The following INSYN2A variants were observed in gnomAD, a reference collection of about 807,000 sequenced individuals.
The protein encoded by INSYN2A is family with sequence similarity 196 member A.
A neutral mutation model predicts 39.4 loss-of-function variants in INSYN2A; 17 were observed. The observed-to-expected ratio is 0.43, with a 90% CI of 0.30 to 0.65. INSYN2A has a LOEUF of 0.65. Among genes scored for constraint, INSYN2A ranks in the 30% least tolerant of loss-of-function variants. The pLI is 0.14. For synonymous variants in INSYN2A, 255 were observed against 265.7 expected, an observed-to-expected ratio of 0.96 and a Z score of 0.39; for missense variants, 595 against 631.2, an observed-to-expected ratio of 0.94 and a Z score of 0.61.
rs529298057 is a variant in INSYN2A, at chr10:127,176,338, G to C, written c.58C>G (p.Pro20Ala). ...ILTTSESEVEPAACLALEMKY... is the reference protein window; with the variant it reads ...ILTTSESEVEAAACLALEMKY... ...ATCTCCAGGGCCAGGCAGGCGGCGG[G>C]TTCCACTTCACTCTCCGACGTTGTG... is the stretch of plus-strand genomic sequence containing the variant. The change falls in exon 4 of 6, where the codon CCC (proline) becomes GCC (alanine). Residue 20 changes from proline (P) to alanine (A), a missense_variant. By Grantham distance (27) the Pro-to-Ala change is conservative. This residue lies in a region of INSYN2A where 478 missense variants were observed against 467.4 expected (regional missense o/e 1.02). Transcript: ENST00000522781. This position sits in a 1 kb window ranked among gnomAD's most constrained non-coding sequence, Gnocchi z 4.4. The C allele has an allele frequency of 8.1e-6, 13 of 1,613,848 alleles. No individual in the cohort carries two copies. The South Asian group carries it at 9.9e-5, about 12-fold the overall frequency.
At chr10:127,168,011 A>T (rs983366448) in intron 4 of INSYN2A, among the ~76,000 whole-genome samples, 1 of 152,098 alleles carries the variant, frequency 6.6e-6, no homozygotes, top group Non-Finnish European at 1.5e-5. Context: ...TTTGTCCATA[A>T]TTCATTTCAT....
chr10:127,166,222 C>T (rs933987422), intron 4 of INSYN2A, among the ~76,000 whole-genome samples: 2 of 152,098 alleles, frequency 1.3e-5, no homozygotes. Context: ...CCTGCCACCA[C>T]GCCCAGCTAA....
In INSYN2A at chr10:127,148,945, C is replaced by T. The variant is rs548969804; in HGVS notation, c.1256+4907G>A. Among the ~76,000 whole-genome samples, 9 of 152,242 alleles carry T rather than the reference C, an allele frequency of 5.9e-5. No homozygotes were observed. The East Asian group carries it at 1.7e-3, about 29-fold the overall frequency. ...AAAGATGTAGCTGTGTCAACCATCT[C>T]AAAATTTGTCAGAAAGATCACGTTT... On this transcript the variant is annotated intron_variant, in intron 5 of 5. Transcript: ENST00000522781.
Position 127,176,605 on chromosome 10 carries a change from T to C in INSYN2A, c.-5-205A>G, listed in dbSNP as rs575399763. On this transcript the variant is annotated intron_variant, in intron 3 of 5. Coordinates refer to ENST00000522781, the MANE Select transcript of INSYN2A (RefSeq NM_001039762.3). The surrounding 1 kb of genome is among the most constrained non-coding windows in gnomAD (Gnocchi z 4.4). ...GAAATGCTTCTCAGATATTAAAGCC[T>C]GCTTGCTTTTCCAGGTGGGATACAC... 6.6e-6 allele frequency among the ~76,000 whole-genome samples: 1 copy of C among 152,228 alleles called. No individual in the cohort carries two copies. The highest frequency in any genetic ancestry group is 1.9e-4 in the East Asian group (1 of 5,196).
intron 5 of INSYN2A, among the ~76,000 whole-genome samples, chr10:127,149,922 A>C (rs1390574088): frequency 2.6e-5 from 4 of 152,116 alleles, no homozygotes; most frequent in Non-Finnish European, 5.9e-5. Context: ...TCCCGGATTC[A>C]GGTCCTTGCA....
At chr10:127,194,003 T>G (rs2056928022) in intron 1 of INSYN2A, among the ~76,000 whole-genome samples, 1 of 152,202 alleles carries the variant, frequency 6.6e-6, no homozygotes, top group South Asian at 2.1e-4. Flanking sequence ...AAGCTCAAAG[T>G]CTTAATCACA....
At chr10:127,139,301 CA>C (rs1300720351) in intron 5 of INSYN2A, among the ~76,000 whole-genome samples, 1 of 152,014 alleles carries the variant, frequency 6.6e-6, no homozygotes, top group Non-Finnish European at 1.5e-5. Context: ...AGTTTTAAAA[CA>C]AGTTCAGGAC....
intron 5 of INSYN2A, among the ~76,000 whole-genome samples, chr10:127,150,855 A>C (rs2052419004): frequency 6.6e-6 from 1 of 152,208 alleles, no homozygotes; most frequent in African/African-American, 2.4e-5. Flanking sequence ...CTTTAAAGAC[A>C]GGAAAATTGG....
chr10:127,149,148 A>C (rs959059083), intron 5 of INSYN2A, among the ~76,000 whole-genome samples: 2 of 152,162 alleles, frequency 1.3e-5, no homozygotes, highest in African/African-American at 4.8e-5. Context: ...CCATAGTTAC[A>C]TCCCTTGCAT....
At chr10:127,147,524 G>C (rs938369911) in intron 5 of INSYN2A, among the ~76,000 whole-genome samples, 1 of 152,002 alleles carries the variant, frequency 6.6e-6, no homozygotes, top group South Asian at 2.1e-4. Context: ...GCTCTCTCTC[G>C]CCAGAGCTCT....
intron 4 of INSYN2A, among the ~76,000 whole-genome samples, chr10:127,168,135 T>C (rs2054247848): frequency 6.6e-6 from 1 of 152,146 alleles, no homozygotes; most frequent in African/African-American, 2.4e-5. Flanking sequence ...AAGGTCAGCA[T>C]CTCAGGACCT....
intron 1 of INSYN2A, among the ~76,000 whole-genome samples, chr10:127,195,474 T>TCG (rs1478774046): frequency 4.0e-4 from 61 of 152,076 alleles, no homozygotes; most frequent in African/African-American, 1.4e-3. Context: ...TCACTGCTGC[T>TCG]CGCGCCTCTC....
intron 4 of INSYN2A, among the ~76,000 whole-genome samples, chr10:127,174,459 G>GT (rs1230760141): frequency 6.6e-6 from 1 of 152,200 alleles, no homozygotes; most frequent in Non-Finnish European, 1.5e-5. Context: ...TAGGTCATTT[G>GT]TTTTTAAAGA....
intron 4 of INSYN2A, among the ~76,000 whole-genome samples, chr10:127,157,042 C>CT (rs1248922582): frequency 5.3e-5 from 8 of 152,228 alleles, no homozygotes; most frequent in African/African-American, 1.9e-4. Flanking sequence ...AGTCCTTGTC[C>CT]TCACAAAGCT....
Position 127,170,161 on chromosome 10 carries a change from TG to T in INSYN2A, c.1184+5050del, listed in dbSNP as rs1467251442. ...ATGGGAGGTGATAAATGACTGGGTTTGCCACCCTTCCTGCAAGGTACTAGAC... is the reference window on the plus strand; with the variant it reads ...ATGGGAGGTGATAAATGACTGGGTTTCCACCCTTCCTGCAAGGTACTAGAC... On this transcript the variant is annotated intron_variant, in intron 4 of 5. Coordinates refer to ENST00000522781, the MANE Select transcript of INSYN2A (RefSeq NM_001039762.3). Among the ~76,000 whole-genome samples, 5 of 152,240 alleles carry T rather than the reference TG, an allele frequency of 3.3e-5. No individual in the cohort carries two copies. In the East Asian group the frequency reaches 9.7e-4, roughly 29 times the overall value.
rs1382507298 is a variant in INSYN2A at position 127,175,244 on chromosome 10, C to T, written c.1152G>A (p.Gln384=). 5 of 1,613,778 alleles carry T rather than the reference C, an allele frequency of 3.1e-6. No individual in the cohort carries two copies. The Admixed American group carries it at 6.7e-5, about 22-fold the overall frequency. Residue 384 remains glutamine (Q), a synonymous_variant, in exon 4 of 6, where the codon CAG becomes CAA. Coordinates refer to ENST00000522781, the MANE Select transcript of INSYN2A (RefSeq NM_001039762.3). The surrounding 1 kb of genome is among the most constrained non-coding windows in gnomAD (Gnocchi z 6.3). ...ETIKVLLGVI[Q]ELEKGEAHRE... ...GATGGGCCTCTCCTTTTTCCAACTC[C>T]TGAATGACCCCCAAGAGCACTTTGA...
rs79463082 is a variant in INSYN2A at position 127,175,701 on chromosome 10, C to T, written c.695G>A (p.Arg232Gln). The T allele has an allele frequency of 2.9e-5, 46 of 1,613,886 alleles. No homozygotes were observed. Among genetic ancestry groups the T allele is most frequent in the East Asian group, 6.7e-5 (3 of 44,858 alleles). The change falls in exon 4 of 6, where the codon CGG becomes CAG. Residue 232 changes from arginine (R) to glutamine (Q), a missense_variant. Coordinates refer to ENST00000522781, the MANE Select transcript of INSYN2A (RefSeq NM_001039762.3). This position sits in a 1 kb window ranked among gnomAD's most constrained non-coding sequence, Gnocchi z 6.3. ...YQLLGRAKQD[R>Q]GRPNSEEPAP... is the part of the protein sequence containing the mutation. ...GGGCTCCTCGGAGTTTGGCCTCCCC[C>T]GGTCCTGCTTGGCCCTCCCGAGCAG...
At chr10:127,152,372 A>G (rs1397263971) in intron 5 of INSYN2A, among the ~76,000 whole-genome samples, 2 of 152,218 alleles carry the variant, frequency 1.3e-5, no homozygotes, top group African/African-American at 4.8e-5. Flanking sequence ...GGAATTGTTG[A>G]AGAAAAGACC....
chr10:127,167,826 C>T (rs545464075), intron 4 of INSYN2A, among the ~76,000 whole-genome samples: 3 of 152,056 alleles, frequency 2.0e-5, no homozygotes, highest in African/African-American at 7.2e-5. Context: ...CCCCCCATCC[C>T]CAAAATACAC....
Sources: allele counts gnomAD v4.1 joint callset (sites outside exome capture counted in the v4.1 genomes callset), GRCh38; gene constraint gnomAD v4.1.1; regional missense constraint gnomAD v4.1.1; non-coding constraint Gnocchi (gnomAD v3.1); transcripts MANE v1.5; gene names NCBI Gene and HGNC (gene_info 2026-07-23, HGNC 2026-07-21).